TCF7L2: variants seen among roughly 807,000 people sequenced by gnomAD.
The protein encoded by TCF7L2 is transcription factor 7-like 2.
TCF7L2 carries 23 observed loss-of-function variants against 77.9 expected under a neutral mutation model. That is an observed-to-expected ratio of 0.30 (90% CI 0.21 to 0.42). The LOEUF (loss-of-function observed/expected upper bound fraction) is 0.42, where lower values mean the gene tolerates loss of function less well. Ranked by LOEUF, TCF7L2 falls within the 10% of genes least tolerant of loss-of-function variation. The pLI, the probability that TCF7L2 is intolerant of heterozygous loss-of-function variation, is 1.00. For synonymous variants in TCF7L2, 413 were observed against 340.2 expected (o/e 1.21, Z -2.36); for missense variants, 654 against 793.1 (o/e 0.82, Z 2.11).
intron 4 of TCF7L2, among the ~76,000 whole-genome samples, chr10:113,002,783 G>A (rs2044727032): frequency 6.6e-6 from 1 of 152,132 alleles, no homozygotes; most frequent in South Asian, 2.1e-4. Context: ...TAAAAAAAAT[G>A]CGGATATGAA....
chr10:113,014,879 C>G (rs1211942765), intron 4 of TCF7L2, among the ~76,000 whole-genome samples: 1 of 152,086 alleles, frequency 6.6e-6, no homozygotes, highest in Non-Finnish European at 1.5e-5. Context: ...GTCTGGAATC[C>G]TTGGACATTA....
chr10:112,957,078 C>T (rs1043036582), intron 3 of TCF7L2, among the ~76,000 whole-genome samples: 19 of 152,066 alleles, frequency 1.2e-4, no homozygotes, highest in Admixed American at 5.2e-4. Flanking sequence ...GGGGGCTCTG[C>T]ACAGATGCCT....
intron 5 of TCF7L2, among the ~76,000 whole-genome samples, chr10:113,084,106 C>T (rs1393174523): frequency 2.0e-5 from 3 of 152,202 alleles, no homozygotes; most frequent in Admixed American, 6.5e-5. Flanking sequence ...AATCTGAATC[C>T]ATATGCATTT....
At chr10:113,074,728 C>T (rs1198096941) in intron 5 of TCF7L2, among the ~76,000 whole-genome samples, 3 of 152,184 alleles carry the variant, frequency 2.0e-5, no homozygotes, top group African/African-American at 7.2e-5. Context: ...GGGGCCTCCA[C>T]GCCATAGGCA....
chr10:112,984,057 C>A (rs1041313038), intron 4 of TCF7L2, among the ~76,000 whole-genome samples: 3 of 152,222 alleles, frequency 2.0e-5, no homozygotes, highest in African/African-American at 7.2e-5. Flanking sequence ...AAACCTCCCT[C>A]ATTTGCAGCA....
intron 5 of TCF7L2, among the ~76,000 whole-genome samples, chr10:113,096,665 A>G (rs1225182564): frequency 6.6e-6 from 1 of 152,126 alleles, no homozygotes; most frequent in African/African-American, 2.4e-5. Context: ...GGGGCCAAAA[A>G]TGAAAGAGGA....
At chr10:113,003,846 C>G (rs1590266366) in intron 4 of TCF7L2, among the ~76,000 whole-genome samples, 2 of 152,224 alleles carry the variant, frequency 1.3e-5, no homozygotes, top group African/African-American at 4.8e-5. Context: ...CCATGGCTTT[C>G]AGCAGGCTCT....
chr10:113,073,737 C>T (rs2058371536), intron 5 of TCF7L2, among the ~76,000 whole-genome samples: 1 of 151,976 alleles, frequency 6.6e-6, no homozygotes. Flanking sequence ...TGGCTCCGCC[C>T]TGCAGAGCTG....
rs535586322 is a variant in TCF7L2 at position 113,026,582 on chromosome 10, G to GA, written c.451-13442dup. On this transcript the variant is annotated intron_variant, in intron 4 of 13. Coordinates refer to ENST00000627217, the MANE Select transcript of TCF7L2 (RefSeq NM_001146274.2). ...CCAGGAGCTGGGTCAGATAGGTAAA[G>GA]AGACATTCCTTAGTTCTTATCCTCT... Among the ~76,000 whole-genome samples the GA allele has an allele frequency of 1.6e-3, 236 of 152,152 alleles. 1 individual carries two copies. The highest frequency in any genetic ancestry group is 5.4e-3 in the African/African-American group (226 of 41,584).
intron 2 of TCF7L2, 78 bp downstream of exon 2, chr10:112,951,351 C>T: frequency 2.0e-6 from 2 of 984,548 alleles, no homozygotes; most frequent in Non-Finnish European, 2.4e-6. Flanking sequence ...CGGCCCCGCG[C>T]CCGGCTCGGC....
intron 4 of TCF7L2, among the ~76,000 whole-genome samples, chr10:112,974,545 G>T (rs1465747627): frequency 2.0e-5 from 3 of 152,156 alleles, no homozygotes; most frequent in Non-Finnish European, 4.4e-5. Context: ...CTGAGTTCAA[G>T]CAATTCTCTG....
At chr10:113,047,746 C>G (rs1029555473) in intron 5 of TCF7L2, among the ~76,000 whole-genome samples, 1 of 151,884 alleles carries the variant, frequency 6.6e-6, no homozygotes, top group African/African-American at 2.4e-5. Flanking sequence ...AGTTATGTTT[C>G]TGGGAAAATG....
chr10:113,068,933 A>C (rs965507817), intron 5 of TCF7L2, among the ~76,000 whole-genome samples: 3 of 151,326 alleles, frequency 2.0e-5, no homozygotes, highest in East Asian at 3.9e-4. Context: ...TTAAAACAAC[A>C]ACCACCACCA....
chr10:113,075,289 T>C (rs1191489955), intron 5 of TCF7L2, among the ~76,000 whole-genome samples: 2 of 152,072 alleles, frequency 1.3e-5, no homozygotes, highest in Non-Finnish European at 2.9e-5. Context: ...TGAAACCCTA[T>C]CTCTACTAAA....
chr10:113,091,431 G>T (rs767426581), intron 5 of TCF7L2, among the ~76,000 whole-genome samples: 5 of 152,286 alleles, frequency 3.3e-5, no homozygotes, highest in Admixed American at 6.5e-5. Flanking sequence ...TTAGCCAGAT[G>T]TGCATAAAAC....
chr10:112,951,133 T>C lies in TCF7L2; in HGVS notation c.190-74T>C, dbSNP rs925618402. The C allele has an allele frequency of 2.7e-5, 37 of 1,383,330 alleles. No individual in the cohort carries two copies. The African/African-American group carries it at 4.8e-4, about 18-fold the overall frequency. The allele number at this position is 1,383,330 out of a possible 1,614,324, so 85.7% of individuals were successfully genotyped here. ...CTACCCCCCCCTCGACCTCGCCGAT[T>C]CTTTTTCTCCCCCTTCTCCCCCTTC... On this transcript the variant is annotated intron_variant, in intron 1 of 13. Transcript: ENST00000627217.
chr10:112,997,093 C>T (rs1409777099), intron 4 of TCF7L2, among the ~76,000 whole-genome samples: 1 of 152,208 alleles, frequency 6.6e-6, no homozygotes, highest in Non-Finnish European at 1.5e-5. Context: ...TGAAGAGAAA[C>T]ATTGCAGAAT....
At chr10:113,100,686 G>A (rs1366711538) in intron 5 of TCF7L2, among the ~76,000 whole-genome samples, 1 of 152,208 alleles carries the variant, frequency 6.6e-6, no homozygotes, top group African/African-American at 2.4e-5. Context: ...CAAATCAGGT[G>A]GAAAGGGAAG....
chr10:113,044,909 T>C (rs565659293), intron 5 of TCF7L2, among the ~76,000 whole-genome samples: 5 of 152,024 alleles, frequency 3.3e-5, no homozygotes, highest in Non-Finnish European at 7.4e-5. Context: ...TTTGAGCAGG[T>C]TGGCTGTTTC....
Sources: gnomAD v4.1 joint callset for allele counts (sites outside exome capture counted in the v4.1 genomes callset) on GRCh38, gnomAD v4.1.1 for gene constraint, MANE v1.5 for transcripts, NCBI Gene and HGNC (gene_info 2026-07-23, HGNC 2026-07-21) for gene names.